KIR2DL1: variants seen among roughly 807,000 people sequenced by gnomAD.
KIR2DL1 encodes killer cell immunoglobulin like receptor, two Ig domains and long cytoplasmic tail 1.
KIR2DL1 carries 38 observed loss-of-function variants against 33.9 expected under a neutral mutation model. The ratio of observed to expected loss-of-function variants is 1.12; its 90% confidence interval spans 0.86 to 1.47. The LOEUF (loss-of-function observed/expected upper bound fraction) is 1.47, where lower values mean the gene tolerates loss of function less well. Ranked by LOEUF, KIR2DL1 falls within the 40% of genes most tolerant of loss-of-function variation. KIR2DL1 has a pLI of 0.00. For missense variants in KIR2DL1, 531 were observed against 433.9 expected (o/e 1.22, Z -1.99); for synonymous variants, 179 against 165.9 (o/e 1.08, Z -0.61).
rs368315740 is a variant in KIR2DL1, at chr19:54,783,556, C to T, written c.870+18C>T. 497 of 1,613,850 alleles carry T rather than the reference C, an allele frequency of 3.1e-4. 4 individuals are homozygous for T. Among genetic ancestry groups the T allele is most frequent in the East Asian group, 1.7e-3 (78 of 44,878 alleles). On this transcript the variant is annotated intron_variant, in intron 7 of 7. Coordinates refer to ENST00000336077, the MANE Select transcript of KIR2DL1 (RefSeq NM_014218.3). ...ATAGCGAGGTAGGTACTCCTCGGCC[C>T]GGGCTCGTGGCTACTGTTATTCCCA... is the stretch of plus-strand genomic sequence containing the variant.
chr19:54,773,658 A>T (rs1439755466), intron 3 of KIR2DL1, 26 bp downstream of exon 3: 1 of 1,550,116 alleles, frequency 6.5e-7, no homozygotes, highest in Non-Finnish European at 8.8e-7. Context: ...CTTTCTTCTC[A>T]TTGTCATTGG....
Position 54,783,574 on chromosome 19 carries a change from T to C in KIR2DL1, c.870+36T>C, listed in dbSNP as rs768074019. On this transcript the variant is annotated intron_variant, in intron 7 of 7. Transcript: ENST00000336077. ...CTCGGCCCGGGCTCGTGGCTACTGT[T>C]ATTCCCAAAGAGTCCTGGAAAATGT... 3.7e-6 allele frequency: 6 copies of C among 1,613,818 alleles called. No individual in the cohort carries two copies. The African/African-American group carries it at 6.7e-5, about 18-fold the overall frequency.
At chr19:54,778,859 T>C (rs2076651002) in intron 5 of KIR2DL1, among the ~76,000 whole-genome samples, 197 bp downstream of exon 5, 1 of 148,592 alleles carries the variant, frequency 6.7e-6, no homozygotes, top group African/African-American at 2.5e-5. Flanking sequence ...TCTCTCATTT[T>C]ATGGAGCTGA....
chr19:54,776,160 G>A (rs1471800264), intron 4 of KIR2DL1, among the ~76,000 whole-genome samples: 1 of 143,890 alleles, frequency 6.9e-6, no homozygotes, highest in African/African-American at 2.6e-5. Flanking sequence ...AAAGTGCTGG[G>A]ATTACAGGCA....
In KIR2DL1 at chr19:54,783,856, A is replaced by T; in HGVS notation, c.*43A>T. On this transcript the variant is annotated 3_prime_UTR_variant, in exon 8 of 8. Transcript: ENST00000336077. ...TGAGGGCGTCTTCTAGGGAGACAAC[A>T]GCCCTGTCTCAAAACCGGGTTGCCA... 1 of 1,613,584 alleles carries T rather than the reference A, an allele frequency of 6.2e-7. No individual in the cohort carries two copies. Among genetic ancestry groups the T allele is most frequent in the Non-Finnish European group, 8.5e-7 (1 of 1,179,648 alleles).
In KIR2DL1 at chr19:54,782,926, C is replaced by T. The variant is rs1471595630; in HGVS notation, c.720C>T (p.Asn240=). ...TGGTGTCTCATCTTCTTCCAGGTAACCCCCGACACCTGCACATTCTGATTG... is the reference window on the plus strand; with the variant it reads ...TGGTGTCTCATCTTCTTCCAGGTAATCCCCGACACCTGCACATTCTGATTG... ...SPTEPSSKTG[N]PRHLHILIGT... Residue 240 remains asparagine, a synonymous_variant, in exon 6 of 8, where the codon AAC becomes AAT. Coordinates refer to ENST00000336077, the MANE Select transcript of KIR2DL1 (RefSeq NM_014218.3). The T allele has an allele frequency of 1.2e-6, 2 of 1,613,350 alleles. No individual in the cohort carries two copies. The highest frequency in any genetic ancestry group is 1.7e-6 in the Non-Finnish European group (2 of 1,179,736).
chr19:54,771,035 C>A, intron 2 of KIR2DL1, 151 bp downstream of exon 2: 2 of 1,207,922 alleles, frequency 1.7e-6, no homozygotes, highest in South Asian at 1.3e-5. Flanking sequence ...GCCTCCCTGG[C>A]CTTTCATTCC....
chr19:54,779,117 C>G (rs1396762993), intron 5 of KIR2DL1, among the ~76,000 whole-genome samples: 1 of 148,156 alleles, frequency 6.7e-6, no homozygotes, highest in East Asian at 1.9e-4. Context: ...TAACAGAGAA[C>G]AGAGCTCATG....
chr19:54,772,663 A>G (rs2075875523), intron 2 of KIR2DL1, among the ~76,000 whole-genome samples: 1 of 144,514 alleles, frequency 6.9e-6, no homozygotes, highest in South Asian at 2.2e-4. Context: ...CCTAGACCAC[A>G]CCACTTCACT....
chr19:54,769,867 T>C lies in KIR2DL1; in HGVS notation c.17T>C (p.Val6Ala). Reference sequence around the variant, plus strand: ...GGCAGCACCATGTCGCTCTTGGTCGTCAGCATGGCGTGTGTTGGTGAGTCC... The same window carrying C: ...GGCAGCACCATGTCGCTCTTGGTCGCCAGCATGGCGTGTGTTGGTGAGTCC... MSLLV[V>A]SMACVGFFLL... The change falls in exon 1 of 8, where the codon GTC becomes GCC. Residue 6 changes from valine to alanine, a missense_variant. Val to Ala is a moderately conservative substitution (Grantham distance 64). Transcript: ENST00000336077. 6.4e-7 allele frequency: 1 copy of C among 1,569,730 alleles called. No homozygotes were observed. Among genetic ancestry groups the C allele is most frequent in the Non-Finnish European group, 8.7e-7 (1 of 1,147,052 alleles).
In KIR2DL1 at chr19:54,783,793, A is replaced by C. The variant is rs1358374441; in HGVS notation, c.1027A>C (p.Lys343Gln). 6 of 1,613,884 alleles carry C rather than the reference A, an allele frequency of 3.7e-6. No individual in the cohort carries two copies. In the Admixed American group the frequency reaches 8.3e-5, roughly 22 times the overall value. The change falls in exon 8 of 8, where the codon AAA becomes CAA. Residue 343 changes from lysine (K) to glutamine (Q), a missense_variant. By Grantham distance (53) the Lys-to-Gln change is moderately conservative. Transcript: ENST00000336077. ...ACTTCCAAATGCTGAGTCCAGATCC[A>C]AAGTTGTCTCCTGCCCATGAGCACC... ...TELPNAESRSKVVSCP is the reference protein window; with the variant it reads ...TELPNAESRSQVVSCP
At chr19:54,783,064 G>A (rs569660310) in intron 6 of KIR2DL1, 41 bp downstream of exon 6, 1 of 1,595,046 alleles carries the variant, frequency 6.3e-7, no homozygotes, top group East Asian at 2.2e-5. Flanking sequence ...TCAGGGCCAT[G>A]TGGGGAAGCA....
chr19:54,782,577 G>A (rs1205979628), intron 5 of KIR2DL1, among the ~76,000 whole-genome samples: 1 of 152,006 alleles, frequency 6.6e-6, no homozygotes, highest in African/African-American at 2.4e-5. Context: ...GGGGGAACTT[G>A]CTAACCCCGT....
chr19:54,778,253 C>T (rs1215584053), intron 4 of KIR2DL1, among the ~76,000 whole-genome samples: 1 of 149,288 alleles, frequency 6.7e-6, no homozygotes, highest in African/African-American at 2.4e-5. Context: ...AGCAAGACTC[C>T]ATCTCAAAAG....
chr19:54,774,798 C>T (rs201269756), intron 3 of KIR2DL1, among the ~76,000 whole-genome samples: 5 of 145,366 alleles, frequency 3.4e-5, no homozygotes, highest in African/African-American at 7.5e-5. Context: ...AGATAGGCAC[C>T]GAATAGATAA....
intron 4 of KIR2DL1, among the ~76,000 whole-genome samples, chr19:54,776,945 T>G (rs1213058650): frequency 6.7e-6 from 1 of 149,202 alleles, no homozygotes; most frequent in Non-Finnish European, 1.5e-5. Flanking sequence ...CCCAACCTCT[T>G]TTTAGTTCTT....
chr19:54,775,539 G>C (rs1415684737), intron 4 of KIR2DL1, 81 bp downstream of exon 4: 6 of 1,445,182 alleles, frequency 4.2e-6, no homozygotes, highest in Non-Finnish European at 5.7e-6. Flanking sequence ...ATGGAGAGAA[G>C]CATGGACAGA....
chr19:54,777,895 C>G (rs1360050118), intron 4 of KIR2DL1, among the ~76,000 whole-genome samples: 1 of 147,824 alleles, frequency 6.8e-6, no homozygotes, highest in Non-Finnish European at 1.5e-5. Context: ...ATGTAGATGT[C>G]CAGGTTTCCC....
chr19:54,781,585 C>T (rs1184413508), intron 5 of KIR2DL1, among the ~76,000 whole-genome samples: 1 of 151,264 alleles, frequency 6.6e-6, no homozygotes, highest in East Asian at 1.9e-4. Context: ...GCTCCTGCTC[C>T]CCTTTCCTAC....
Sources: allele counts gnomAD v4.1 joint callset (sites outside exome capture counted in the v4.1 genomes callset), GRCh38; gene constraint gnomAD v4.1.1; transcripts MANE v1.5; gene names NCBI Gene and HGNC (gene_info 2026-07-23, HGNC 2026-07-21).